The following IL1RAPL2 variants were observed in gnomAD, a reference collection of about 807,000 sequenced individuals.
IL1RAPL2 encodes X-linked interleukin-1 receptor accessory protein-like 2.
Under a neutral mutation model 44.1 loss-of-function variants are expected in IL1RAPL2, and 3 were observed. That is an observed-to-expected ratio of 0.07 (90% confidence interval 0.03 to 0.18). The LOEUF (loss-of-function observed/expected upper bound fraction) is 0.18, where lower values mean the gene tolerates loss of function less well. Among genes scored for constraint, IL1RAPL2 ranks in the 10% least tolerant of loss-of-function variants. The pLI is 1.00. For synonymous variants in IL1RAPL2, 181 were observed against 178.8 expected (o/e 1.01, Z -0.10); for missense variants, 391 against 496.4 (o/e 0.79, Z 2.02).
chrX:105,258,523 G>A (rs1267776283), intron 4 of IL1RAPL2, among the ~76,000 whole-genome samples: 1 of 112,125 alleles, frequency 8.9e-6, no homozygotes, highest in Non-Finnish European at 1.9e-5. Flanking sequence ...CCTGAAATAC[G>A]TTTTCCAAGT....
chrX:105,621,086 C>T (rs2094352239), intron 6 of IL1RAPL2, among the ~76,000 whole-genome samples: 1 of 111,410 alleles, frequency 9.0e-6, no homozygotes, highest in Admixed American at 9.6e-5. Context: ...TATCCCTCAA[C>T]ATAACATCAA....
chrX:104,632,128 G>A (rs1416881106), intron 1 of IL1RAPL2, among the ~76,000 whole-genome samples: 2 of 111,093 alleles, frequency 1.8e-5, no homozygotes, highest in African/African-American at 6.6e-5. Flanking sequence ...TTTTTGTCAG[G>A]TTTGTCAAAG....
chrX:104,794,573 G>A (rs1038188832), intron 2 of IL1RAPL2, among the ~76,000 whole-genome samples: 1 of 111,619 alleles, frequency 9.0e-6, no homozygotes, highest in Non-Finnish European at 1.9e-5. Context: ...CTACACCTTG[G>A]GGATACAGAT....
intron 5 of IL1RAPL2, among the ~76,000 whole-genome samples, chrX:105,387,395 C>T (rs370918736): frequency 1.8e-5 from 2 of 109,589 alleles, no homozygotes; most frequent in Admixed American, 9.8e-5. Context: ...CCACCACGCC[C>T]GGCTAATTTT....
At position 104,651,204 on chromosome X, in the gene IL1RAPL2, G is replaced by A. The variant is rs758781553; in HGVS notation, c.-19-7691G>A. Among the ~76,000 whole-genome samples, 15 of 111,925 alleles carry A rather than the reference G, an allele frequency of 1.3e-4. No individual in the cohort carries two copies. The South Asian group carries it at 5.5e-3, about 41-fold the overall frequency. ...AATTCTGACTGATTTTAACTGACAG[G>A]AAAAGTAGCATATGAAATAATTCTG... On this transcript the variant is annotated intron_variant, in intron 1 of 10. Coordinates refer to ENST00000372582, the MANE Select transcript of IL1RAPL2 (RefSeq NM_017416.2).
At chrX:104,947,553 T>A (rs1269356415) in intron 2 of IL1RAPL2, among the ~76,000 whole-genome samples, 3 of 104,380 alleles carry the variant, frequency 2.9e-5, no homozygotes, top group Non-Finnish European at 3.9e-5. Flanking sequence ...GTTTTAGGTC[T>A]AACATTTAAG....
At chrX:105,490,690 A>G (rs1037361916) in intron 6 of IL1RAPL2, among the ~76,000 whole-genome samples, 7 of 112,550 alleles carry the variant, frequency 6.2e-5, no homozygotes, top group Admixed American at 2.8e-4. Context: ...TATGTTTTTT[A>G]TAAAACATTA....
In IL1RAPL2 at chrX:104,991,239, T is replaced by C. The variant is rs778707527; in HGVS notation, c.83-204236T>C. 1.4e-4 allele frequency among the ~76,000 whole-genome samples: 16 copies of C among 111,665 alleles called. No homozygotes were observed. The East Asian group carries it at 4.5e-3, about 32-fold the overall frequency. On this transcript the variant is annotated intron_variant, in intron 2 of 10. Coordinates refer to ENST00000372582, the MANE Select transcript of IL1RAPL2 (RefSeq NM_017416.2). ...TACAAGATAGTAATACATTAGTACA[T>C]TTAAGTTATTAAGTAACCCAGGCAA...
chrX:105,109,998 T>C (rs2147564945), intron 2 of IL1RAPL2, among the ~76,000 whole-genome samples: 1 of 112,051 alleles, frequency 8.9e-6, no homozygotes, highest in South Asian at 3.7e-4. Context: ...TCAGAGATTA[T>C]GTAATTCAAC....
At position 105,242,859 on chromosome X, in the gene IL1RAPL2, G is replaced by A. The variant is rs192936444; in HGVS notation, c.543+8855G>A. ...TCAAGCCTATAATCTCAGCACTTTG[G>A]GAGACCAAGGCGGGCGGATCACATG... is the stretch of plus-strand genomic sequence containing the variant. On this transcript the variant is annotated intron_variant, in intron 4 of 10. Coordinates refer to ENST00000372582, the MANE Select transcript of IL1RAPL2 (RefSeq NM_017416.2). Among the ~76,000 whole-genome samples the A allele has an allele frequency of 2.3e-3, 258 of 111,279 alleles. 1 individual carries two copies. Among genetic ancestry groups the A allele is most frequent in the African/African-American group, 8.1e-3 (248 of 30,654 alleles).
intron 2 of IL1RAPL2, among the ~76,000 whole-genome samples, chrX:105,192,820 G>A (rs2033643560): frequency 8.9e-6 from 1 of 111,973 alleles, no homozygotes; most frequent in Non-Finnish European, 1.9e-5. Context: ...CTCCATTATT[G>A]TATTGCTGTT....
chrX:105,743,845 G>T (rs1401008850), intron 8 of IL1RAPL2, among the ~76,000 whole-genome samples: 1 of 112,386 alleles, frequency 8.9e-6, no homozygotes, highest in African/African-American at 3.2e-5. Flanking sequence ...GATTTGATCT[G>T]TGATTTTGTC....
In IL1RAPL2 at chrX:104,838,485, A is replaced by G. The variant is rs149457997; in HGVS notation, c.82+179490A>G. Among the ~76,000 whole-genome samples the G allele has an allele frequency of 1.7e-3, 184 of 111,183 alleles. 2 individuals carry two copies. In the East Asian group the frequency reaches 0.049, roughly 30 times the overall value. On this transcript the variant is annotated intron_variant, in intron 2 of 10. Coordinates refer to ENST00000372582, the MANE Select transcript of IL1RAPL2 (RefSeq NM_017416.2). ...TATGTATTTCATTCTCTTTGTAACA[A>G]TTGTGAATGGGAGTTCATTCATGAT... is the stretch of plus-strand genomic sequence containing the variant.
chrX:104,989,895 C>T (rs1254811730), intron 2 of IL1RAPL2, among the ~76,000 whole-genome samples: 2 of 111,909 alleles, frequency 1.8e-5, no homozygotes, highest in Non-Finnish European at 3.8e-5. Flanking sequence ...TCAGATTCCA[C>T]TGCCATACTT....
chrX:104,766,811 C>T (rs181924099), intron 2 of IL1RAPL2, among the ~76,000 whole-genome samples: 152 of 111,929 alleles, frequency 1.4e-3, no homozygotes, highest in South Asian at 1.9e-3. Context: ...GCAAATAAGC[C>T]GTTATTGTTA....
intron 5 of IL1RAPL2, among the ~76,000 whole-genome samples, chrX:105,339,985 G>T (rs2035058468): frequency 9.0e-6 from 1 of 111,321 alleles, no homozygotes; most frequent in African/African-American, 3.3e-5. Context: ...GAGTGCCCAG[G>T]CTTAATCCTT....
At chrX:105,118,367 GA>G (rs2032884079) in intron 2 of IL1RAPL2, among the ~76,000 whole-genome samples, 1 of 112,317 alleles carries the variant, frequency 8.9e-6, no homozygotes, top group Non-Finnish European at 1.9e-5. Flanking sequence ...GAGAGGAAAG[GA>G]CATCCCCAGG....
chrX:105,647,547 C>A (rs184316070), intron 6 of IL1RAPL2, among the ~76,000 whole-genome samples: 545 of 111,805 alleles, frequency 4.9e-3, no homozygotes, highest in Non-Finnish European at 8.6e-3. Context: ...GAGTTACAAA[C>A]CCCGTGTTTA....
chrX:105,670,305 CTT>C (rs760894864), intron 6 of IL1RAPL2, among the ~76,000 whole-genome samples: 1 of 92,608 alleles, frequency 1.1e-5, no homozygotes. Context: ...TTGTCTATAT[CTT>C]TTTTTTTTTT....
Sources: gnomAD v4.1 joint callset for allele counts (sites outside exome capture counted in the v4.1 genomes callset) on GRCh38, gnomAD v4.1.1 for gene constraint, MANE v1.5 for transcripts, NCBI Gene and HGNC (gene_info 2026-07-23, HGNC 2026-07-21) for gene names.